The following SBF2 variants were observed in gnomAD, a reference collection of about 807,000 sequenced individuals.
SBF2 encodes the protein SET binding factor 2.
In SBF2, 112 loss-of-function variants were observed where a neutral mutation model predicts 225.2. That is an observed-to-expected ratio of 0.50 (90% CI 0.43 to 0.58). SBF2 has a LOEUF of 0.58. SBF2 is among the 20% of genes least tolerant of loss of function. The probability of loss-of-function intolerance (pLI) is 0.00; values close to 1 mark genes in which losing one functional copy is unlikely to be tolerated. For synonymous variants in SBF2, 763 were observed against 773.3 expected, an observed-to-expected ratio of 0.99 and a Z score of 0.22; for missense variants, 1,996 against 2,206.2, an observed-to-expected ratio of 0.90 and a Z score of 1.91.
chr11:10,100,717 G>A (rs1749312442), intron 2 of SBF2, among the ~76,000 whole-genome samples: 1 of 152,088 alleles, frequency 6.6e-6, no homozygotes, highest in Non-Finnish European at 1.5e-5. Flanking sequence ...AGGGGTGTTG[G>A]TTTTTCTGTA....
chr11:9,833,421 AT>A (rs371039800), intron 26 of SBF2, among the ~76,000 whole-genome samples: 1,527 of 134,000 alleles, frequency 0.011, 14 homozygotes, highest in African/African-American at 0.037. Flanking sequence ...TTTTTTGGTG[AT>A]TTTTTTTTTT....
At chr11:10,116,076 G>A in intron 2 of SBF2, among the ~76,000 whole-genome samples, 1 of 152,192 alleles carries the variant, frequency 6.6e-6, no homozygotes, top group East Asian at 1.9e-4. Flanking sequence ...GGCTGAGGCA[G>A]GAGAATGGTG....
chr11:10,073,626 A>G (rs1316871790), intron 2 of SBF2, among the ~76,000 whole-genome samples: 1 of 152,190 alleles, frequency 6.6e-6, no homozygotes, highest in Non-Finnish European at 1.5e-5. Flanking sequence ...CTGAGGCATG[A>G]GAATTGCCTG....
chr11:10,025,988 A>G (rs1291395189), intron 6 of SBF2, among the ~76,000 whole-genome samples: 1 of 151,838 alleles, frequency 6.6e-6, no homozygotes, highest in Non-Finnish European at 1.5e-5. Context: ...CATTACTGGA[A>G]GAGAGCTTTG....
intron 2 of SBF2, among the ~76,000 whole-genome samples, chr11:10,079,779 A>G (rs1401743572): frequency 6.6e-6 from 1 of 152,216 alleles, no homozygotes; most frequent in Non-Finnish European, 1.5e-5. Context: ...TCACCATGAC[A>G]TAGTCATCAG....
chr11:9,917,380 G>A (rs904402205), intron 16 of SBF2, among the ~76,000 whole-genome samples: 7 of 151,596 alleles, frequency 4.6e-5, no homozygotes, highest in Non-Finnish European at 8.8e-5. Context: ...CACCCAGGCT[G>A]AAGTGCAGTG....
intron 17 of SBF2, among the ~76,000 whole-genome samples, chr11:9,860,457 T>C (rs557824058): frequency 5.3e-5 from 8 of 151,866 alleles, no homozygotes; most frequent in Non-Finnish European, 1.2e-4. Flanking sequence ...CTTTTTTTTG[T>C]AGAAAAATTT....
At chr11:10,290,580 C>A (rs536252439) in intron 1 of SBF2, among the ~76,000 whole-genome samples, 35 of 152,062 alleles carry the variant, frequency 2.3e-4, no homozygotes, top group African/African-American at 8.2e-4. Flanking sequence ...CAAGTCCCAG[C>A]AGGGAGAGGA....
Position 10,003,657 on chromosome 11 carries a change from G to A in SBF2, c.620-968C>T, listed in dbSNP as rs558798205. ...GCTGGGATTACAGGTGTGAGCCACC[G>A]CGCCTGGCCTGGTTTTTATTTTTTC... is the stretch of plus-strand genomic sequence containing the variant. On this transcript the variant is annotated intron_variant, in intron 6 of 39. Transcript: ENST00000256190. 2.6e-5 allele frequency among the ~76,000 whole-genome samples: 4 copies of A among 152,086 alleles called. No homozygotes were observed. The South Asian group carries it at 8.3e-4, about 32-fold the overall frequency.
intron 16 of SBF2, chr11:9,961,160 C>G (rs770808757): frequency 2.6e-5 from 4 of 152,118 alleles, no homozygotes; most frequent in African/African-American, 9.7e-5. Flanking sequence ...CCATTCCATA[C>G]AAATGATACA....
rs75358197 is a variant in SBF2 at position 10,268,723 on chromosome 11, C to T, written c.55+25292G>A. ...TTTTCCAGTTTCAAAAGTTTCTCTA[C>T]GGATAGCATACTGTGATATATTTGG... On this transcript the variant is annotated intron_variant, in intron 1 of 39. Transcript: ENST00000256190. 7.2e-5 allele frequency among the ~76,000 whole-genome samples: 11 copies of T among 152,296 alleles called. No homozygotes were observed. In the East Asian group the frequency reaches 1.7e-3, roughly 24 times the overall value.
intron 3 of SBF2, among the ~76,000 whole-genome samples, chr11:10,032,508 C>T (rs1949297334): frequency 6.6e-6 from 1 of 152,182 alleles, no homozygotes; most frequent in Non-Finnish European, 1.5e-5. Context: ...CACAGATATT[C>T]TAATGACTTA....
intron 24 of SBF2, among the ~76,000 whole-genome samples, chr11:9,844,929 T>C (rs994010362): frequency 6.6e-6 from 1 of 151,888 alleles, no homozygotes; most frequent in Admixed American, 6.6e-5. Flanking sequence ...AAAAACAAAA[T>C]AAAATAAAAA....
intron 16 of SBF2, among the ~76,000 whole-genome samples, chr11:9,922,306 C>A (rs566714690): frequency 4.0e-4 from 61 of 152,170 alleles, no homozygotes; most frequent in African/African-American, 1.3e-3. Context: ...ACGAGTGAGG[C>A]ATATTTTAGC....
chr11:10,233,561 C>A (rs7122026), intron 1 of SBF2, among the ~76,000 whole-genome samples: 59,551 of 147,512 alleles, frequency 0.4, 12,989 homozygotes, highest in Non-Finnish European at 0.5. Flanking sequence ...ATATATATAT[C>A]TCTCTCTCTC....
At chr11:10,123,626 T>C (rs1486752923) in intron 2 of SBF2, among the ~76,000 whole-genome samples, 1 of 152,072 alleles carries the variant, frequency 6.6e-6, no homozygotes, top group Non-Finnish European at 1.5e-5. Context: ...TAGTTCCTGT[T>C]GTATTCAGAG....
chr11:10,193,351 C>CTTTTTTTT (rs60903141), intron 2 of SBF2, among the ~76,000 whole-genome samples: 2 of 110,500 alleles, frequency 1.8e-5, no homozygotes, highest in Non-Finnish European at 3.6e-5. Flanking sequence ...TCAATTTCAT[C>CTTTTTTTT]TTTTTTTTTT....
chr11:10,216,795 G>A (rs1451613756), intron 1 of SBF2, among the ~76,000 whole-genome samples: 3 of 152,120 alleles, frequency 2.0e-5, no homozygotes, highest in Non-Finnish European at 4.4e-5. Context: ...GCTTGAAACC[G>A]GGAGGCGGAG....
rs1244896526 is a variant in SBF2, at chr11:9,795,815, G to A, written c.4570+16C>T. 1.2e-6 allele frequency: 2 copies of A among 1,612,174 alleles called. No individual in the cohort carries two copies. Among genetic ancestry groups the A allele is most frequent in the Non-Finnish European group, 8.5e-7 (1 of 1,179,140 alleles). ...AACTAACAAAAAAGATGAAACAAGGGCATACAGACACATACCGTGCTCTAA... is the reference window on the plus strand; with the variant it reads ...AACTAACAAAAAAGATGAAACAAGGACATACAGACACATACCGTGCTCTAA... On this transcript the variant is annotated intron_variant, in intron 33 of 39. Coordinates refer to ENST00000256190, the MANE Select transcript of SBF2 (RefSeq NM_030962.4).
Sources: gnomAD v4.1 joint callset for allele counts (sites outside exome capture counted in the v4.1 genomes callset) on GRCh38, gnomAD v4.1.1 for gene constraint, MANE v1.5 for transcripts, NCBI Gene and HGNC (gene_info 2026-07-23, HGNC 2026-07-21) for gene names.